MCPH1: variants seen among roughly 807,000 people sequenced by gnomAD.
MCPH1 encodes the protein microcephalin 1.
MCPH1 carries 104 observed loss-of-function variants against 84.5 expected under a neutral mutation model. The ratio of observed to expected loss-of-function variants is 1.23; its 90% CI spans 1.05 to 1.45. The LOEUF is 1.45. Ranked by LOEUF, MCPH1 falls within the 40% of genes most tolerant of loss-of-function variation. The pLI is 0.00. For missense variants in MCPH1, 1,498 were observed against 1,005.7 expected (o/e 1.49, Z -6.62); for synonymous variants, 514 against 366.8 (o/e 1.40, Z -4.58).
chr8:6,628,223 C>A (rs1488037128), intron 13 of MCPH1, among the ~76,000 whole-genome samples: 1 of 152,086 alleles, frequency 6.6e-6, no homozygotes, highest in African/African-American at 2.4e-5. Context: ...GTCATCCCAG[C>A]ACTTTGGGAG....
At chr8:6,627,817 G>A (rs1796858850) in intron 13 of MCPH1, among the ~76,000 whole-genome samples, 1 of 152,162 alleles carries the variant, frequency 6.6e-6, no homozygotes, top group South Asian at 2.1e-4. Flanking sequence ...CCTGAGCTCA[G>A]GGAGGTCAGT....
intron 12 of MCPH1, among the ~76,000 whole-genome samples, chr8:6,512,720 C>G (rs1330880658): frequency 6.6e-6 from 1 of 152,226 alleles, no homozygotes; most frequent in East Asian, 1.9e-4. Flanking sequence ...TGTTCTCTCT[C>G]TCTACTCTCA....
intron 12 of MCPH1, among the ~76,000 whole-genome samples, chr8:6,511,397 G>C (rs981126172): frequency 6.6e-6 from 1 of 152,054 alleles, no homozygotes; most frequent in Non-Finnish European, 1.5e-5. Context: ...ATATAAAACT[G>C]CCAGAATGTG....
intron 12 of MCPH1, among the ~76,000 whole-genome samples, chr8:6,524,547 G>C (rs909443631): frequency 1.3e-5 from 2 of 152,168 alleles, no homozygotes; most frequent in African/African-American, 4.8e-5. Flanking sequence ...GTGATAGTTG[G>C]GTTCAGATCA....
intron 12 of MCPH1, among the ~76,000 whole-genome samples, chr8:6,594,490 T>C (rs1482234773): frequency 2.0e-5 from 3 of 152,188 alleles, no homozygotes; most frequent in Non-Finnish European, 4.4e-5. Context: ...TACCAAGAAA[T>C]AGCAGTCCTT....
chr8:6,435,908 C>T, intron 4 of MCPH1, 140 bp from the exon 5 acceptor site: 1 of 898,020 alleles, frequency 1.1e-6, no homozygotes, highest in South Asian at 1.7e-5. Flanking sequence ...TGCCAGTTCA[C>T]ATACAGTGCA....
chr8:6,501,496 A>C (rs1812169326), intron 12 of MCPH1: 1 of 151,576 alleles, frequency 6.6e-6, no homozygotes, highest in Non-Finnish European at 1.5e-5. Flanking sequence ...AAACTCCAGG[A>C]GTTTATGGTT....
chr8:6,599,651 G>C (rs867079865), intron 12 of MCPH1, among the ~76,000 whole-genome samples: 3 of 152,198 alleles, frequency 2.0e-5, no homozygotes, highest in African/African-American at 7.2e-5. Flanking sequence ...AAATTCTCAG[G>C]TGCTTGTTGA....
rs935755164 is a variant in MCPH1 at position 6,646,407 on chromosome 8, G to C, written c.*3358G>C. 6 of 152,156 alleles carry C rather than the reference G, an allele frequency of 3.9e-5. No individual in the cohort carries two copies. Among genetic ancestry groups the C allele is most frequent in the Admixed American group, 3.3e-4 (5 of 15,278 alleles). 9.4% of individuals were successfully genotyped at this position (152,156 alleles called of 1,614,324 possible). On this transcript the variant is annotated 3_prime_UTR_variant, in exon 14 of 14. Transcript: ENST00000344683. ...AAAGTATCACATTGGCATAAGAATA[G>C]ACATGTAAATCAAATAACAAAATAG...
chr8:6,540,903 C>T (rs1209430284), intron 12 of MCPH1, among the ~76,000 whole-genome samples: 1 of 152,264 alleles, frequency 6.6e-6, no homozygotes, highest in African/African-American at 2.4e-5. Flanking sequence ...ACAGGATCTC[C>T]CAAGGAGCCC....
chr8:6,556,369 T>A (rs953508828), intron 12 of MCPH1, among the ~76,000 whole-genome samples: 1 of 152,208 alleles, frequency 6.6e-6, no homozygotes, highest in African/African-American at 2.4e-5. Context: ...GTAATAGGAA[T>A]AGCAACCATT....
chr8:6,552,421 C>A (rs1438723571), intron 12 of MCPH1, among the ~76,000 whole-genome samples: 1 of 152,166 alleles, frequency 6.6e-6, no homozygotes, highest in Non-Finnish European at 1.5e-5. Flanking sequence ...TTACGATGGT[C>A]CTTTTCATTG....
chr8:6,414,704 G>T lies in MCPH1; in HGVS notation c.115-61G>T, dbSNP rs1048732602. 23 of 1,587,680 alleles carry T rather than the reference G, an allele frequency of 1.4e-5. No homozygotes were observed. The East Asian group carries it at 3.8e-4, about 27-fold the overall frequency. ...TGCTGGGGTAGAGGTTTTTTGATCA[G>T]TTGTAGTTAAGTTGTGAATGAACAG... On this transcript the variant is annotated intron_variant, in intron 2 of 13. Coordinates refer to ENST00000344683, the MANE Select transcript of MCPH1 (RefSeq NM_024596.5).
At chr8:6,614,336 A>AG (rs1341284519) in intron 12 of MCPH1, among the ~76,000 whole-genome samples, 3 of 152,126 alleles carry the variant, frequency 2.0e-5, no homozygotes, top group Non-Finnish European at 4.4e-5. Context: ...ATGCGTGGTG[A>AG]GGGGCCTGCC....
Position 6,450,906 on chromosome 8 carries a change from C to A in MCPH1, c.1826-4237C>A, listed in dbSNP as rs147829523. Among the ~76,000 whole-genome samples, 292 of 152,204 alleles carry A rather than the reference C, an allele frequency of 1.9e-3. 2 individuals carry two copies. The highest frequency in any genetic ancestry group is 6.5e-3 in the African/African-American group (268 of 41,530). ...TACAGACGCAGGCCACCACACTCGG[C>A]TACGTTCCCCAGGCTGGTCTCCAAC... is the stretch of plus-strand genomic sequence containing the variant. On this transcript the variant is annotated intron_variant, in intron 8 of 13. Coordinates refer to ENST00000344683, the MANE Select transcript of MCPH1 (RefSeq NM_024596.5).
chr8:6,477,709 A>G, intron 10 of MCPH1, 78 bp downstream of exon 10: 2 of 1,144,632 alleles, frequency 1.7e-6, no homozygotes, highest in South Asian at 2.5e-5. Flanking sequence ...GGGTGCCTTT[A>G]GGCAACTTGT....
chr8:6,588,023 C>T (rs928785552), intron 12 of MCPH1, among the ~76,000 whole-genome samples: 26 of 152,196 alleles, frequency 1.7e-4, no homozygotes, highest in Admixed American at 1.5e-3. Context: ...AAGTCAGCTT[C>T]CCATCTTGGG....
chr8:6,438,988 G>T lies in MCPH1; in HGVS notation c.472G>T (p.Gly158Cys), dbSNP rs748767123. The change falls in exon 6 of 14, where the codon GGT becomes TGT. Residue 158 changes from glycine (G) to cysteine (C), a missense_variant. Coordinates refer to ENST00000344683, the MANE Select transcript of MCPH1 (RefSeq NM_024596.5). ...DVPILLFESN[G>C]SLIYTPTIEI... Reference sequence around the variant, plus strand: ...ACCTATTCTCTTATTTGAATCTAATGGTTCATTAATATATACTCCCACAAT... The same window carrying T: ...ACCTATTCTCTTATTTGAATCTAATTGTTCATTAATATATACTCCCACAAT... 1 of 1,611,014 alleles carries T rather than the reference G, an allele frequency of 6.2e-7. No individual in the cohort carries two copies. The highest frequency in any genetic ancestry group is 1.3e-5 in the African/African-American group (1 of 74,814).
At position 6,560,200 on chromosome 8, in the gene MCPH1, G is replaced by A. The variant is rs760345929; in HGVS notation, c.2214+60271G>A. On this transcript the variant is annotated intron_variant, in intron 12 of 13. Transcript: ENST00000344683. ...TTTCATTTTTAGTGCTGATCCAGGA[G>A]AGAAAGGAGATATGGAAACATTTTT... Among the ~76,000 whole-genome samples, 7 of 152,138 alleles carry A rather than the reference G, an allele frequency of 4.6e-5. No individual in the cohort carries two copies. The South Asian group carries it at 8.3e-4, about 18-fold the overall frequency.
Sources: allele counts gnomAD v4.1 joint callset (sites outside exome capture counted in the v4.1 genomes callset), GRCh38; gene constraint gnomAD v4.1.1; transcripts MANE v1.5; gene names NCBI Gene and HGNC (gene_info 2026-07-23, HGNC 2026-07-21).